The following CDH12 variants were observed in gnomAD, a reference collection of about 807,000 sequenced individuals.
CDH12 encodes the protein cadherin-12.
CDH12 carries 41 observed loss-of-function variants against 74.1 expected under a neutral mutation model. The observed-to-expected ratio is 0.55, with a 90% CI of 0.43 to 0.72. The LOEUF (loss-of-function observed/expected upper bound fraction) is 0.72, where lower values mean the gene tolerates loss of function less well. Among genes scored for constraint, CDH12 ranks in the 30% least tolerant of loss-of-function variants. The pLI, the probability that CDH12 is intolerant of heterozygous loss-of-function variation, is 0.00. For synonymous variants in CDH12, 399 were observed against 355.0 expected (o/e 1.12, Z -1.39); for missense variants, 945 against 977.2 (o/e 0.97, Z 0.44).
intron 1 of CDH12, among the ~76,000 whole-genome samples, chr5:22,541,386 A>G (rs1738095241): frequency 6.6e-6 from 1 of 152,186 alleles, no homozygotes. Context: ...CTCATGCCTA[A>G]AATAGACACC....
At chr5:22,833,024 G>T (rs1736686090) in intron 1 of CDH12, among the ~76,000 whole-genome samples, 1 of 152,058 alleles carries the variant, frequency 6.6e-6, no homozygotes, top group African/African-American at 2.4e-5. Flanking sequence ...CCAGCCAAGT[G>T]CTCTACAGCC....
intron 1 of CDH12, among the ~76,000 whole-genome samples, chr5:22,525,369 G>A (rs1737222852): frequency 6.6e-6 from 1 of 152,126 alleles, no homozygotes; most frequent in Non-Finnish European, 1.5e-5. Context: ...TGGGACAGGG[G>A]ATATTGGTGG....
intron 3 of CDH12, among the ~76,000 whole-genome samples, chr5:22,343,959 G>A (rs1438508709): frequency 1.3e-5 from 2 of 152,158 alleles, no homozygotes; most frequent in Non-Finnish European, 2.9e-5. Flanking sequence ...AGGATAACAA[G>A]CTGAAACTTT....
At chr5:21,859,637 C>T (rs559184700) in intron 6 of CDH12, among the ~76,000 whole-genome samples, 1 of 152,086 alleles carries the variant, frequency 6.6e-6, no homozygotes, top group East Asian at 1.9e-4. Flanking sequence ...TGCGACATTA[C>T]ATTCTGCTGG....
At chr5:22,228,937 T>C (rs1333377677) in intron 3 of CDH12, among the ~76,000 whole-genome samples, 1 of 152,152 alleles carries the variant, frequency 6.6e-6, no homozygotes. Flanking sequence ...GTTATATTAA[T>C]AAACCTGCTC....
At chr5:21,971,143 C>T (rs938241064) in intron 6 of CDH12, among the ~76,000 whole-genome samples, 2 of 151,550 alleles carry the variant, frequency 1.3e-5, no homozygotes, top group Non-Finnish European at 2.9e-5. Flanking sequence ...AGCAAGAATC[C>T]CCATTCTCAA....
rs1355979302 is a variant in CDH12 at position 22,209,678 on chromosome 5, A to C, written c.-187+2820T>G. 5.3e-5 allele frequency among the ~76,000 whole-genome samples: 8 copies of C among 150,980 alleles called. No homozygotes were observed. In the Admixed American group the frequency reaches 5.3e-4, roughly 10 times the overall value. On this transcript the variant is annotated intron_variant, in intron 4 of 14. Transcript: ENST00000382254. ...AGACTTGCACACTAACCTCTTTCAG[A>C]AACTAAAAGAACAAAGTACATGCTG...
chr5:22,050,765 G>C (rs1294606955), intron 5 of CDH12, among the ~76,000 whole-genome samples: 2 of 152,128 alleles, frequency 1.3e-5, no homozygotes, highest in Non-Finnish European at 2.9e-5. Context: ...ATTTCATGGA[G>C]AGTTTCTGAA....
At chr5:22,637,034 G>A (rs1738876413) in intron 1 of CDH12, among the ~76,000 whole-genome samples, 1 of 152,162 alleles carries the variant, frequency 6.6e-6, no homozygotes, top group Non-Finnish European at 1.5e-5. Flanking sequence ...GACTAGCTGT[G>A]GGGATGAAGT....
intron 1 of CDH12, among the ~76,000 whole-genome samples, chr5:22,528,663 A>G (rs1418431159): frequency 6.6e-6 from 1 of 152,104 alleles, no homozygotes; most frequent in African/African-American, 2.4e-5. Flanking sequence ...GTCCAACAAC[A>G]TTAGGAGTGA....
At chr5:22,200,397 A>G (rs572113600) in intron 4 of CDH12, among the ~76,000 whole-genome samples, 11 of 152,276 alleles carry the variant, frequency 7.2e-5, no homozygotes, top group African/African-American at 2.6e-4. Flanking sequence ...AAGAAAATTG[A>G]CGTGTGAGTT....
At chr5:21,975,643 G>A (rs185531648) in intron 5 of CDH12, among the ~76,000 whole-genome samples, 25 of 152,014 alleles carry the variant, frequency 1.6e-4, no homozygotes, top group Admixed American at 1.1e-3. Context: ...TCCTCCATTC[G>A]TCTATTAATC....
At chr5:22,442,099 C>T (rs1744650464) in intron 2 of CDH12, among the ~76,000 whole-genome samples, 2 of 152,254 alleles carry the variant, frequency 1.3e-5, no homozygotes, top group South Asian at 4.1e-4. Context: ...GATAATTTCA[C>T]AGATTATCCT....
intron 1 of CDH12, among the ~76,000 whole-genome samples, chr5:22,560,606 C>A (rs1368950518): frequency 6.6e-6 from 1 of 151,078 alleles, no homozygotes; most frequent in African/African-American, 2.4e-5. Context: ...TAAATATTTG[C>A]AATATTTAAA....
At chr5:22,075,599 T>C (rs537022733) in intron 5 of CDH12, among the ~76,000 whole-genome samples, 15 of 152,266 alleles carry the variant, frequency 9.9e-5, no homozygotes, top group African/African-American at 3.6e-4. Context: ...CATATATACA[T>C]ATATAAACAT....
At chr5:22,698,528 T>A (rs1206427066) in intron 1 of CDH12, among the ~76,000 whole-genome samples, 1 of 151,324 alleles carries the variant, frequency 6.6e-6, no homozygotes, top group African/African-American at 2.4e-5. Context: ...GGGAAGTTTA[T>A]ATGGAAGATC....
At chr5:22,065,888 G>A (rs1741522091) in intron 5 of CDH12, among the ~76,000 whole-genome samples, 1 of 152,170 alleles carries the variant, frequency 6.6e-6, no homozygotes, top group South Asian at 2.1e-4. Flanking sequence ...GAGACTTCTG[G>A]TATTGGCTAG....
intron 1 of CDH12, among the ~76,000 whole-genome samples, chr5:22,826,402 T>A (rs138894895): frequency 6.6e-6 from 1 of 152,196 alleles, no homozygotes; most frequent in East Asian, 1.9e-4. Flanking sequence ...ATCAGCAGCA[T>A]GAAAATAGAT....
rs531856691 is a variant in CDH12, at chr5:22,126,002, G to GA, written c.-186-47141_-186-47140insT. ...TCTATTGTGTATTTCATTCATTTTG[G>GA]GGGGGGGACAAATTCTACAAACTGC... On this transcript the variant is annotated intron_variant, in intron 4 of 14. Transcript: ENST00000382254. Among the ~76,000 whole-genome samples, 115 of 144,474 alleles carry GA rather than the reference G, an allele frequency of 8.0e-4. 1 individual carries two copies. Among genetic ancestry groups the GA allele is most frequent in the African/African-American group, 2.8e-3 (110 of 39,494 alleles). The allele number at this position is 144,474 out of a possible 152,430, so 94.8% of individuals were successfully genotyped here.
Sources: gnomAD v4.1 joint callset for allele counts (sites outside exome capture counted in the v4.1 genomes callset) on GRCh38, gnomAD v4.1.1 for gene constraint, MANE v1.5 for transcripts, NCBI Gene and HGNC (gene_info 2026-07-23, HGNC 2026-07-21) for gene names.